ZNF532: variants seen among roughly 807,000 people sequenced by gnomAD.
The protein encoded by ZNF532 is zinc finger protein 532.
A neutral mutation model predicts 89.3 loss-of-function variants in ZNF532; 22 were observed. That is an observed-to-expected ratio of 0.25 (90% CI 0.18 to 0.35). ZNF532 has a LOEUF of 0.35. Ranked by LOEUF, ZNF532 falls within the 10% of genes least tolerant of loss-of-function variation. The pLI is 1.00. For missense variants in ZNF532, 1,132 were observed against 1,643.4 expected (o/e 0.69, Z 5.38); for synonymous variants, 606 against 649.6 (o/e 0.93, Z 1.02).
chr18:58,872,300 G>T (rs1309137487), intron 2 of ZNF532, among the ~76,000 whole-genome samples: 1 of 152,154 alleles, frequency 6.6e-6, no homozygotes, highest in African/African-American at 2.4e-5. Context: ...GATAAAATCA[G>T]GGTGTTGTGG....
intron 2 of ZNF532, among the ~76,000 whole-genome samples, chr18:58,877,131 G>A (rs1007539660): frequency 5.3e-5 from 8 of 152,138 alleles, no homozygotes; most frequent in African/African-American, 9.7e-5. Flanking sequence ...TGAGAGATGC[G>A]GACTGAAGGC....
intron 2 of ZNF532, among the ~76,000 whole-genome samples, chr18:58,884,223 T>TA (rs1299378202): frequency 6.6e-6 from 1 of 152,126 alleles, no homozygotes; most frequent in Non-Finnish European, 1.5e-5. Flanking sequence ...TACTAAAAAA[T>TA]ACAAAAATTA....
At chr18:58,951,868 C>A (rs566492377) in intron 6 of ZNF532, among the ~76,000 whole-genome samples, 1 of 152,138 alleles carries the variant, frequency 6.6e-6, no homozygotes, top group East Asian at 1.9e-4. Flanking sequence ...CCAGGTTGGT[C>A]TCGATCTCCT....
At chr18:58,867,493 G>T (rs1360478522) in intron 2 of ZNF532, among the ~76,000 whole-genome samples, 1 of 152,160 alleles carries the variant, frequency 6.6e-6, no homozygotes, top group Non-Finnish European at 1.5e-5. Flanking sequence ...GCAGGCCCAG[G>T]CCTCCCTGGA....
chr18:58,925,925 T>A (rs577331997), intron 3 of ZNF532, among the ~76,000 whole-genome samples: 13 of 152,364 alleles, frequency 8.5e-5, no homozygotes, highest in African/African-American at 3.1e-4. Flanking sequence ...TTCTGGATTC[T>A]TTATTCTGTT....
chr18:58,961,172 C>T (rs535499576), intron 7 of ZNF532, among the ~76,000 whole-genome samples: 1 of 152,312 alleles, frequency 6.6e-6, no homozygotes, highest in African/African-American at 2.4e-5. Context: ...GCTTCTGATT[C>T]AGCAGGTCTG....
intron 9 of ZNF532, among the ~76,000 whole-genome samples, chr18:58,983,507 G>C (rs1170656508): frequency 1.3e-5 from 2 of 152,082 alleles, no homozygotes; most frequent in African/African-American, 4.8e-5. Context: ...TGCCTGGACT[G>C]CTTTCCCGAC....
intron 2 of ZNF532, among the ~76,000 whole-genome samples, chr18:58,900,031 C>T (rs2059502416): frequency 6.6e-6 from 1 of 152,150 alleles, no homozygotes; most frequent in African/African-American, 2.4e-5. Flanking sequence ...CTCCTTGTAG[C>T]ATCTCTGTCC....
At chr18:58,982,440 G>T (rs893855748) in intron 9 of ZNF532, among the ~76,000 whole-genome samples, 2 of 152,056 alleles carry the variant, frequency 1.3e-5, no homozygotes, top group African/African-American at 4.8e-5. Context: ...GGCCAACGTG[G>T]TGAAACCCCG....
At chr18:58,956,339 G>A (rs543895740) in intron 7 of ZNF532, among the ~76,000 whole-genome samples, 4 of 152,302 alleles carry the variant, frequency 2.6e-5, no homozygotes, top group African/African-American at 7.2e-5. Flanking sequence ...GAGGCACATC[G>A]TATTAGATTG....
intron 2 of ZNF532, among the ~76,000 whole-genome samples, chr18:58,893,536 A>T (rs557614349): frequency 6.6e-6 from 1 of 151,928 alleles, no homozygotes; most frequent in South Asian, 2.1e-4. Flanking sequence ...CGTGCCTGTA[A>T]TCCCAGCTCT....
At chr18:58,955,235 C>T (rs1036318343) in intron 7 of ZNF532, among the ~76,000 whole-genome samples, 3 of 152,066 alleles carry the variant, frequency 2.0e-5, no homozygotes, top group Non-Finnish European at 4.4e-5. Flanking sequence ...CTACCCTGGG[C>T]GATAGAGCGA....
intron 9 of ZNF532, among the ~76,000 whole-genome samples, chr18:58,983,756 C>CT (rs34003429): frequency 0.74 from 112,131 of 151,798 alleles, 42,918 homozygotes; most frequent in East Asian, 0.95. Context: ...GCCCCACTGG[C>CT]AGAGCAATGC....
chr18:58,966,752 T>C (rs1294630234), intron 7 of ZNF532, among the ~76,000 whole-genome samples: 72 of 151,078 alleles, frequency 4.8e-4, no homozygotes, highest in African/African-American at 1.6e-3. Flanking sequence ...TTTTTTTTTT[T>C]TTTTTTTTCT....
At chr18:58,869,186 A>G (rs531763905) in intron 2 of ZNF532, among the ~76,000 whole-genome samples, 4 of 152,378 alleles carry the variant, frequency 2.6e-5, no homozygotes, top group African/African-American at 9.6e-5. Flanking sequence ...CATGGTACAT[A>G]CATAAGAGTT....
Position 58,888,814 on chromosome 18 carries a change from A to T in ZNF532, c.-18+23235A>T, listed in dbSNP as rs1216075592. 5.9e-3 allele frequency among the ~76,000 whole-genome samples: 77 copies of T among 12,990 alleles called. 2 individuals are homozygous for T. Among genetic ancestry groups the T allele is most frequent in the South Asian group, 0.02 (6 of 306 alleles). 8.5% of individuals were successfully genotyped at this position (12,990 alleles called of 152,430 possible). On this transcript the variant is annotated intron_variant, in intron 2 of 9. Transcript: ENST00000591808. ...TATATATAATTTATATATATAAAAA[A>T]TTATATATATAAATTATATATATAA...
At chr18:58,966,796 G>A (rs1185436634) in intron 7 of ZNF532, among the ~76,000 whole-genome samples, 4 of 132,024 alleles carry the variant, frequency 3.0e-5, no homozygotes, top group African/African-American at 1.1e-4. Flanking sequence ...TCTTTACTGT[G>A]ACATGTTGCT....
chr18:58,937,207 C>T (rs9954536), intron 4 of ZNF532, among the ~76,000 whole-genome samples: 10,062 of 152,130 alleles, frequency 0.066, 567 homozygotes, highest in African/African-American at 0.15. Flanking sequence ...AATAGGACTT[C>T]AGGATATTAC....
chr18:58,965,397 G>C (rs1445915319), intron 7 of ZNF532, among the ~76,000 whole-genome samples: 1 of 152,198 alleles, frequency 6.6e-6, no homozygotes, highest in Non-Finnish European at 1.5e-5. Flanking sequence ...CTTACCCCAG[G>C]GTTTTGCAGC....
Sources: gnomAD v4.1 joint callset for allele counts (sites outside exome capture counted in the v4.1 genomes callset) on GRCh38, gnomAD v4.1.1 for gene constraint, MANE v1.5 for transcripts, NCBI Gene and HGNC (gene_info 2026-07-23, HGNC 2026-07-21) for gene names.